The following TMED5 variants were observed in gnomAD, a reference collection of about 807,000 sequenced individuals.
TMED5 encodes transmembrane emp24 domain-containing protein 5.
In TMED5, 27 loss-of-function variants were observed where a neutral mutation model predicts 23.0. That is an observed-to-expected ratio of 1.17 (90% confidence interval 0.86 to 1.62). The LOEUF is 1.62. TMED5 is among the 40% of genes most tolerant of loss of function. The pLI is 0.00. For synonymous variants in TMED5, 97 were observed against 100.8 expected (o/e 0.96, Z 0.23); for missense variants, 248 against 273.7 (o/e 0.91, Z 0.66).
At chr1:93,175,316 T>TAC (rs376330795) in intron 1 of TMED5, among the ~76,000 whole-genome samples, 56,313 of 128,720 alleles carry the variant, frequency 0.44, 11,985 homozygotes, top group South Asian at 0.57. Context: ...TATATATATA[T>TAC]ACACACACAC....
In TMED5 at chr1:93,154,590, A is replaced by G. The variant is rs745607655; in HGVS notation, c.*80T>C. ...TATATCTCAAAATATTTTGGAGAAG[A>G]CCATTAATGGTCTTGACTGTAACAG... On this transcript the variant is annotated 3_prime_UTR_variant, in exon 4 of 4. Transcript: ENST00000370282. 8 of 907,878 alleles carry G rather than the reference A, an allele frequency of 8.8e-6. No individual in the cohort carries two copies. Among genetic ancestry groups the G allele is most frequent in the Non-Finnish European group, 1.2e-5 (7 of 597,586 alleles). The allele number at this position is 907,878 out of a possible 1,614,324, so 56.2% of individuals were successfully genotyped here.
In TMED5 at chr1:93,152,732, T is replaced by G. The variant is rs1227068203; in HGVS notation, c.*1938A>C. 1 of 152,490 alleles carries G rather than the reference T, an allele frequency of 6.6e-6. No individual in the cohort carries two copies. The highest frequency in any genetic ancestry group is 2.4e-5 in the African/African-American group (1 of 41,404). The allele number at this position is 152,490 out of a possible 1,614,324, so 9.4% of individuals were successfully genotyped here. ...AGTTTTATAGAAAAGATGCAGTAGT[T>G]TATATCTGTACCCTGCTTTATTAGT... On this transcript the variant is annotated 3_prime_UTR_variant, in exon 4 of 4. Coordinates refer to ENST00000370282, the MANE Select transcript of TMED5 (RefSeq NM_016040.5).
intron 1 of TMED5, among the ~76,000 whole-genome samples, chr1:93,163,856 G>A (rs1648386773): frequency 6.6e-6 from 1 of 151,484 alleles, no homozygotes. Flanking sequence ...GGTGATGCAC[G>A]CCTGTAATCT....
At chr1:93,178,937 C>A (rs936521576) in intron 1 of TMED5, among the ~76,000 whole-genome samples, 1 of 152,092 alleles carries the variant, frequency 6.6e-6, no homozygotes, top group Non-Finnish European at 1.5e-5. Flanking sequence ...CTTTTCTTTC[C>A]CCCCTGTACT....
At chr1:93,166,520 T>A (rs1648513179) in intron 1 of TMED5, among the ~76,000 whole-genome samples, 1 of 152,244 alleles carries the variant, frequency 6.6e-6, no homozygotes, top group Non-Finnish European at 1.5e-5. Context: ...ATCAATGATG[T>A]TGAGCACATT....
intron 1 of TMED5, among the ~76,000 whole-genome samples, chr1:93,178,963 C>T (rs574336474): frequency 1.3e-5 from 2 of 152,268 alleles, no homozygotes; most frequent in African/African-American, 4.8e-5. Flanking sequence ...CTGAAAACAT[C>T]GGAATTTGCT....
Position 93,180,146 on chromosome 1 carries a change from C to A in TMED5, c.97G>T (p.Asp33Tyr). The A allele has an allele frequency of 6.2e-7, 1 of 1,613,596 alleles. No homozygotes were observed. The highest frequency in any genetic ancestry group is 1.1e-5 in the South Asian group (1 of 91,066). Residue 33 changes from aspartate to tyrosine, a missense_variant, in exon 1 of 4, where the codon GAT (aspartate) becomes TAT (tyrosine). By Grantham distance (160) the Asp-to-Tyr change is radical (BLOSUM62 -3). Transcript: ENST00000370282. ...GGAAGGGTAAAGGTGAAGTCGCTATCGAGGGAAGGTGTGAAGCCGGCCGCC... is the reference window on the plus strand; with the variant it reads ...GGAAGGGTAAAGGTGAAGTCGCTATAGAGGGAAGGTGTGAAGCCGGCCGCC... ...PGAAGFTPSL[D>Y]SDFTFTLPAG... is the part of the protein sequence containing the mutation.
intron 3 of TMED5, 149 bp downstream of exon 3, chr1:93,156,151 C>A: frequency 8.9e-7 from 1 of 1,126,990 alleles, no homozygotes; most frequent in South Asian, 1.6e-5. Context: ...TAAGCTGATA[C>A]TTGAGGTCAA....
intron 1 of TMED5, among the ~76,000 whole-genome samples, chr1:93,174,375 C>CAT (rs1425023253): frequency 6.6e-6 from 1 of 152,150 alleles, no homozygotes; most frequent in Non-Finnish European, 1.5e-5. Flanking sequence ...GGTGTGGTGG[C>CAT]ATGTGCCTGT....
intron 1 of TMED5, among the ~76,000 whole-genome samples, chr1:93,169,392 T>C (rs946822814): frequency 6.6e-6 from 1 of 152,068 alleles, no homozygotes; most frequent in Non-Finnish European, 1.5e-5. Flanking sequence ...TAACAAAAAT[T>C]TGTGGGATAC....
intron 3 of TMED5, among the ~76,000 whole-genome samples, chr1:93,155,846 T>C (rs1648057687): frequency 6.6e-6 from 1 of 152,204 alleles, no homozygotes; most frequent in Non-Finnish European, 1.5e-5. Flanking sequence ...ATGCATGTGT[T>C]TATAATATTT....
At chr1:93,166,301 A>G (rs1648503742) in intron 1 of TMED5, among the ~76,000 whole-genome samples, 1 of 152,164 alleles carries the variant, frequency 6.6e-6, no homozygotes, top group Admixed American at 6.5e-5. Flanking sequence ...TTGCTGGACT[A>G]TATGGTAGCT....
intron 1 of TMED5, among the ~76,000 whole-genome samples, chr1:93,168,919 C>T (rs1484677607): frequency 6.6e-6 from 1 of 152,182 alleles, no homozygotes; most frequent in African/African-American, 2.4e-5. Flanking sequence ...TATGTGTATA[C>T]ACCTAACAAC....
intron 1 of TMED5, among the ~76,000 whole-genome samples, chr1:93,177,584 CAAAAAAAAAAAAAA>C (rs11322215): frequency 4.5e-5 from 2 of 44,406 alleles, no homozygotes; most frequent in African/African-American, 2.6e-4. Flanking sequence ...GACTCTGTCT[CAAAAAAAAAAAAAA>C]AAAAAAAAAA....
intron 1 of TMED5, among the ~76,000 whole-genome samples, chr1:93,165,992 C>T (rs1191768823): frequency 6.6e-6 from 1 of 152,162 alleles, no homozygotes; most frequent in African/African-American, 2.4e-5. Context: ...TTTTAGCTCC[C>T]ACAAATAAGT....
intron 1 of TMED5, among the ~76,000 whole-genome samples, chr1:93,169,572 T>C (rs1433895365): frequency 8.6e-5 from 12 of 139,664 alleles, no homozygotes; most frequent in Non-Finnish European, 3.1e-5. Flanking sequence ...ATCAAGAAAA[T>C]TGATAACAAG....
intron 1 of TMED5, chr1:93,161,628 TCTC>T (rs757648104): frequency 1.1e-4 from 16 of 152,194 alleles, no homozygotes; most frequent in Non-Finnish European, 1.6e-4. Context: ...TCCTTTGAAA[TCTC>T]CTCTGAATCC....
intron 1 of TMED5, among the ~76,000 whole-genome samples, chr1:93,164,641 A>G (rs996996769): frequency 6.6e-6 from 1 of 152,164 alleles, no homozygotes; most frequent in Non-Finnish European, 1.5e-5. Flanking sequence ...GCAGAGAACA[A>G]TATAAAATGT....
chr1:93,171,017 C>T (rs1164298270), intron 1 of TMED5, among the ~76,000 whole-genome samples: 1 of 152,058 alleles, frequency 6.6e-6, no homozygotes, highest in Admixed American at 6.6e-5. Flanking sequence ...GCTGGGGTCC[C>T]CTTGTACACT....
Sources: allele counts gnomAD v4.1 joint callset (sites outside exome capture counted in the v4.1 genomes callset), GRCh38; gene constraint gnomAD v4.1.1; transcripts MANE v1.5; gene names NCBI Gene and HGNC (gene_info 2026-07-23, HGNC 2026-07-21).